GAK: variants seen among roughly 807,000 people sequenced by gnomAD.
GAK encodes cyclin G associated kinase.
In GAK, 79 loss-of-function variants were observed where a neutral mutation model predicts 143.9. The ratio of observed to expected loss-of-function variants is 0.55; its 90% confidence interval spans 0.46 to 0.66. The LOEUF is 0.66. Ranked by LOEUF, GAK falls within the 30% of genes least tolerant of loss-of-function variation. The pLI is 0.00. For missense variants in GAK, 1,693 were observed against 1,779.7 expected, an observed-to-expected ratio of 0.95 and a Z score of 0.88; for synonymous variants, 881 against 765.5, an observed-to-expected ratio of 1.15 and a Z score of -2.49.
Position 859,671 on chromosome 4 carries a change from C to G in GAK, c.3218G>C (p.Ser1073Thr), listed in dbSNP as rs147175932. The G allele has an allele frequency of 1.6e-4, 251 of 1,603,298 alleles. No individual in the cohort carries two copies. The highest frequency in any genetic ancestry group is 2.0e-4 in the Non-Finnish European group (236 of 1,171,196). ...GQPAPCGSQA[S>T]WTKSQNPDPF... ...GTCCGGGTTCTGAGACTTGGTCCAG[C>G]TGGCCTGAGAGCCACAAGGGGCCGG... The change falls in exon 24 of 28, where the codon AGC (serine) becomes ACC (threonine). Residue 1073 changes from serine to threonine, a missense_variant. Around this residue, in one of 2 missense-constraint regions of GAK, gnomAD observed 822 missense variants for 788.7 expected, o/e 1.04. Transcript: ENST00000314167.
intron 24 of GAK, among the ~76,000 whole-genome samples, chr4:855,250 C>G (rs527796180): frequency 6.6e-6 from 1 of 152,136 alleles, no homozygotes; most frequent in East Asian, 1.9e-4. Context: ...CTCCTCTGGT[C>G]TCTTTCGCCA....
At chr4:883,773 C>T (rs1009111759) in intron 12 of GAK, among the ~76,000 whole-genome samples, 7 of 152,360 alleles carry the variant, frequency 4.6e-5, no homozygotes, top group Admixed American at 2.0e-4. Flanking sequence ...CCCTGGTTTT[C>T]CACGGACACG....
intron 23 of GAK, among the ~76,000 whole-genome samples, chr4:862,016 G>A (rs567743884): frequency 2.6e-5 from 4 of 152,376 alleles, no homozygotes; most frequent in East Asian, 1.9e-4. Flanking sequence ...AAGCGCTGAC[G>A]GGGAAGCTGC....
chr4:855,868 T>C (rs975350351), intron 24 of GAK, among the ~76,000 whole-genome samples: 1 of 152,158 alleles, frequency 6.6e-6, no homozygotes, highest in East Asian at 1.9e-4. Flanking sequence ...GGCGGGAGAA[T>C]TGCTTGAAAC....
At chr4:925,613 G>T (rs920099270) in intron 1 of GAK, among the ~76,000 whole-genome samples, 1 of 152,164 alleles carries the variant, frequency 6.6e-6, no homozygotes, top group Non-Finnish European at 1.5e-5. Flanking sequence ...TAATACCCAA[G>T]GTGATGGTGT....
chr4:853,501 G>A (rs1748546211), intron 24 of GAK: 1 of 152,298 alleles, frequency 6.6e-6, no homozygotes, highest in Non-Finnish European at 1.5e-5. Flanking sequence ...GCTCAACCCT[G>A]GCAATGCATG....
At chr4:911,817 C>T (rs369674945) in intron 3 of GAK, 30 bp from the exon 4 acceptor site, 106 of 1,511,370 alleles carry the variant, frequency 7.0e-5, no homozygotes, top group Middle Eastern at 3.4e-4. Context: ...GGAGAACGTA[C>T]ATAACCATGT....
chr4:887,640 G>T (rs976740449), intron 11 of GAK: 12 of 148,002 alleles, frequency 8.1e-5, no homozygotes, highest in Non-Finnish European at 1.2e-4. Flanking sequence ...CATGCATGCA[G>T]TTCACGTGCA....
At chr4:849,835 C>CA (rs1747764349) in intron 27 of GAK, 57 bp downstream of exon 27, 8 of 183,788 alleles carry the variant, frequency 4.4e-5, no homozygotes, top group East Asian at 6.1e-4. Flanking sequence ...CGGGGCAGGA[C>CA]CCCCCCCCCG....
intron 14 of GAK, 118 bp downstream of exon 14, chr4:882,579 G>T: frequency 7.7e-7 from 1 of 1,298,438 alleles, no homozygotes; most frequent in Non-Finnish European, 1.1e-6. Context: ...ACTTTCTTCC[G>T]TGTCCCAGGG....
chr4:882,197 CCGAGG>C (rs1217141470), intron 14 of GAK, among the ~76,000 whole-genome samples, 157 bp from the exon 15 acceptor site: 1 of 152,220 alleles, frequency 6.6e-6, no homozygotes, highest in Non-Finnish European at 1.5e-5. Context: ...AACGTGCCTG[CCGAGG>C]CAAGAATGGA....
rs747593990 is a variant in GAK, at chr4:932,086, T to C, written c.102A>G (p.Glu34=). ...DQSDFVGQTV[E]LGELRLRVRR... The stretch of plus-strand genomic sequence containing the variant: ...GCACCCGCAGCCGCAGCTCGCCCAG[T>C]TCCACCGTCTGCCCCACGAAGTCAC... Residue 34 remains glutamate, a synonymous_variant, in exon 1 of 28, where the codon GAA becomes GAG. Coordinates refer to ENST00000314167, the MANE Select transcript of GAK (RefSeq NM_005255.4). This position sits in a 1 kb window ranked among gnomAD's most constrained non-coding sequence, Gnocchi z 4.0. 4.4e-6 allele frequency: 7 copies of C among 1,603,370 alleles called. No homozygotes were observed. Among genetic ancestry groups the C allele is most frequent in the Non-Finnish European group, 6.0e-6 (7 of 1,176,132 alleles).
At chr4:874,239 A>C (rs777783545) in intron 18 of GAK, among the ~76,000 whole-genome samples, 1 of 152,142 alleles carries the variant, frequency 6.6e-6, no homozygotes, top group Non-Finnish European at 1.5e-5. Context: ...TGTTACTACC[A>C]AACAGGTTTT....
chr4:853,869 G>A (rs1194295631), intron 24 of GAK: 1 of 152,116 alleles, frequency 6.6e-6, no homozygotes, highest in Non-Finnish European at 1.5e-5. Context: ...CAAGATCTCG[G>A]CTGACGCAAC....
At chr4:858,072 C>T (rs1368384558) in intron 24 of GAK, among the ~76,000 whole-genome samples, 1 of 152,178 alleles carries the variant, frequency 6.6e-6, no homozygotes, top group African/African-American at 2.4e-5. Context: ...TGTGGTCAGA[C>T]GGCATGCTGC....
chr4:882,028 C>G lies in GAK; in HGVS notation c.1540G>C (p.Ala514Pro), dbSNP rs374987786. 2 of 1,605,088 alleles carry G rather than the reference C, an allele frequency of 1.2e-6. No homozygotes were observed. Among genetic ancestry groups the G allele is most frequent in the African/African-American group, 1.3e-5 (1 of 74,798 alleles). The change falls in exon 15 of 28, where the codon GCG becomes CCG. Residue 514 changes from alanine to proline, a missense_variant. Transcript: ENST00000314167. ...AAGGAGCAGACGGCCACAGCAGACG[C>G]GGCTCTCCCGTCCTAGGACAGACAG... ...CVVHCMDGRAASAVAVCSFLC... is the reference protein window; with the variant it reads ...CVVHCMDGRAPSAVAVCSFLC...
At position 866,646 on chromosome 4, in the gene GAK, C is replaced by A. The variant is rs549537750; in HGVS notation, c.2873-112G>T. The A allele has an allele frequency of 5.9e-6, 7 of 1,190,762 alleles. No individual in the cohort carries two copies. The South Asian group carries it at 1.1e-4, about 18-fold the overall frequency. 73.8% of individuals were successfully genotyped at this position (1,190,762 alleles called of 1,614,324 possible). A position where few individuals can be genotyped will look rare whatever the true frequency, so the allele number is the denominator to read the frequency against. On this transcript the variant is annotated intron_variant, in intron 21 of 27. Coordinates refer to ENST00000314167, the MANE Select transcript of GAK (RefSeq NM_005255.4). ...GGCCACTCCAGCTGGGCAGCCCAGACCCCACGGCTGCCCTCGCAGGGGCAC... is the reference window on the plus strand; with the variant it reads ...GGCCACTCCAGCTGGGCAGCCCAGAACCCACGGCTGCCCTCGCAGGGGCAC...
intron 23 of GAK, among the ~76,000 whole-genome samples, chr4:860,634 TG>T (rs1299891067): frequency 1.3e-5 from 2 of 152,160 alleles, no homozygotes; most frequent in African/African-American, 4.8e-5. Context: ...CAGTTGCCCC[TG>T]GGCAAAGACG....
intron 1 of GAK, among the ~76,000 whole-genome samples, chr4:914,370 C>CCA (rs1560428552): frequency 8.5e-6 from 1 of 117,476 alleles, no homozygotes; most frequent in Non-Finnish European, 1.8e-5. Flanking sequence ...TGCACGGCCC[C>CCA]CACACACACA....
Sources: gnomAD v4.1 joint callset for allele counts (sites outside exome capture counted in the v4.1 genomes callset) on GRCh38, gnomAD v4.1.1 for gene constraint, gnomAD v4.1.1 regional missense constraint, Gnocchi (gnomAD v3.1) non-coding constraint, MANE v1.5 for transcripts, NCBI Gene and HGNC (gene_info 2026-07-23, HGNC 2026-07-21) for gene names.